LYN: variants seen among roughly 807,000 people sequenced by gnomAD.
LYN encodes the protein tyrosine-protein kinase Lyn.
A neutral mutation model predicts 65.0 loss-of-function variants in LYN; 12 were observed. That is an observed-to-expected ratio of 0.18 (90% confidence interval 0.12 to 0.30). The LOEUF is 0.30. Among genes scored for constraint, LYN ranks in the 10% least tolerant of loss-of-function variants. LYN has a pLI of 1.00. For synonymous variants in LYN, 222 were observed against 221.2 expected, an observed-to-expected ratio of 1.00 and a Z score of -0.03; for missense variants, 380 against 623.2, an observed-to-expected ratio of 0.61 and a Z score of 4.16.
At chr8:55,998,123 T>G (rs1214315943) in intron 10 of LYN, among the ~76,000 whole-genome samples, 6 of 152,112 alleles carry the variant, frequency 3.9e-5, no homozygotes, top group Non-Finnish European at 5.9e-5. Flanking sequence ...TTCCTTTTTT[T>G]TTTTTTAAGA....
chr8:55,978,390 G>T (rs1392088368), intron 10 of LYN, among the ~76,000 whole-genome samples: 1 of 152,240 alleles, frequency 6.6e-6, no homozygotes, highest in Non-Finnish European at 1.5e-5. Flanking sequence ...GGCAGCTGAG[G>T]ACCGCCATTG....
At chr8:55,938,255 A>G (rs1806498821) in intron 1 of LYN, among the ~76,000 whole-genome samples, 1 of 152,220 alleles carries the variant, frequency 6.6e-6, no homozygotes, top group South Asian at 2.1e-4. Context: ...ACCATATTGT[A>G]AAACTTTTGC....
At chr8:55,883,223 C>T (rs976840216) in intron 1 of LYN, among the ~76,000 whole-genome samples, 3 of 152,158 alleles carry the variant, frequency 2.0e-5, no homozygotes, top group Non-Finnish European at 4.4e-5. Flanking sequence ...TGCTTTTGCA[C>T]CATCGTAAAG....
chr8:55,940,991 C>G (rs1174821033), intron 1 of LYN, among the ~76,000 whole-genome samples: 1 of 152,174 alleles, frequency 6.6e-6, no homozygotes, highest in African/African-American at 2.4e-5. Flanking sequence ...CTCAGTAGCC[C>G]TACTGGATTT....
At chr8:55,939,462 A>AAGAGAG (rs111951441) in intron 1 of LYN, among the ~76,000 whole-genome samples, 7,476 of 148,274 alleles carry the variant, frequency 0.05, 196 homozygotes, top group Middle Eastern at 0.095. Flanking sequence ...TTCCCAAGAG[A>AAGAGAG]AGAGAGAGAG....
chr8:55,951,977 C>G lies in LYN; in HGVS notation c.499C>G (p.Leu167Val). The part of the protein sequence containing the change: ...ESETLKGSFS[L>V]SVRDFDPVHG... ...TTTTCCCCCCATAGGAAGCTTCTCT[C>G]TGTCTGTCAGAGACTTTGACCCTGT... is the stretch of plus-strand genomic sequence containing the variant. The change falls in exon 7 of 13, where the codon CTG (leucine) becomes GTG (valine). Residue 167 changes from leucine to valine, a missense_variant. Leu to Val is a conservative substitution (Grantham distance 32). Around this residue, in one of 2 missense-constraint regions of LYN, gnomAD observed 223 missense variants for 430.0 expected, o/e 0.52. Transcript: ENST00000519728. 1 of 1,610,258 alleles carries G rather than the reference C, an allele frequency of 6.2e-7. No individual in the cohort carries two copies. The highest frequency in any genetic ancestry group is 8.5e-7 in the Non-Finnish European group (1 of 1,179,092).
chr8:56,006,580 C>T (rs1240279044), intron 12 of LYN, among the ~76,000 whole-genome samples: 2 of 152,230 alleles, frequency 1.3e-5, no homozygotes, highest in Non-Finnish European at 2.9e-5. Flanking sequence ...CCACCTTCTG[C>T]TCCCCACCAC....
rs1458760721 is a variant in LYN at position 55,947,668 on chromosome 8, A to G, written c.229A>G (p.Ile77Val). The change falls in exon 4 of 13, where the codon ATC becomes GTC. Residue 77 changes from isoleucine (I) to valine (V), a missense_variant. By Grantham distance (29) the Ile-to-Val change is conservative. Around this residue, in one of 2 missense-constraint regions of LYN, gnomAD observed 157 missense variants for 193.2 expected, o/e 0.81. Coordinates refer to ENST00000519728, the MANE Select transcript of LYN (RefSeq NM_002350.4). The part of the protein sequence containing the change: ...IVVALYPYDG[I>V]HPDDLSFKKG... The stretch of plus-strand genomic sequence containing the variant: ...GGTAGCCTTGTACCCCTATGATGGC[A>G]TCCACCCGGACGACTTGTCTTTCAA... 1 of 1,614,098 alleles carries G rather than the reference A, an allele frequency of 6.2e-7. No homozygotes were observed. The highest frequency in any genetic ancestry group is 1.3e-5 in the African/African-American group (1 of 75,066).
rs531929696 is a variant in LYN at position 55,922,490 on chromosome 8, G to A, written c.-5-19365G>A. 9.2e-5 allele frequency among the ~76,000 whole-genome samples: 14 copies of A among 152,172 alleles called. No individual in the cohort carries two copies. In the South Asian group the frequency reaches 2.3e-3, roughly 25 times the overall value. On this transcript the variant is annotated intron_variant, in intron 1 of 12. Coordinates refer to ENST00000519728, the MANE Select transcript of LYN (RefSeq NM_002350.4). Reference sequence around the variant, plus strand: ...AGACAGTCTCCGAAGAATTATAAACGTAGGCTGGGTGTGGTGACTCATGCC... The same window carrying A: ...AGACAGTCTCCGAAGAATTATAAACATAGGCTGGGTGTGGTGACTCATGCC...
intron 1 of LYN, among the ~76,000 whole-genome samples, chr8:55,919,242 AAC>A (rs1225074937): frequency 4.6e-5 from 7 of 152,170 alleles, no homozygotes; most frequent in Admixed American, 3.3e-4. Flanking sequence ...ATCTAAACCT[AAC>A]AGTTGTTTAT....
chr8:55,888,924 C>T (rs948762216), intron 1 of LYN, among the ~76,000 whole-genome samples: 1 of 152,136 alleles, frequency 6.6e-6, no homozygotes, highest in African/African-American at 2.4e-5. Context: ...TGATTTTTGT[C>T]TTTCAGAACC....
intron 9 of LYN, among the ~76,000 whole-genome samples, chr8:55,968,092 C>A (rs1343043780): frequency 6.6e-6 from 1 of 152,064 alleles, no homozygotes; most frequent in Non-Finnish European, 1.5e-5. Context: ...AGCAAACAAA[C>A]CAATTAGCTC....
intron 1 of LYN, among the ~76,000 whole-genome samples, chr8:55,931,183 T>C (rs1806260917): frequency 6.8e-6 from 1 of 147,734 alleles, no homozygotes; most frequent in Non-Finnish European, 1.5e-5. Flanking sequence ...TTTTAAAATA[T>C]AATATGTAAC....
At chr8:55,960,403 A>C (rs1387422059) in intron 8 of LYN, among the ~76,000 whole-genome samples, 1 of 152,184 alleles carries the variant, frequency 6.6e-6, no homozygotes, top group Non-Finnish European at 1.5e-5. Context: ...AAAATAGAAG[A>C]GAAAAAAATA....
intron 1 of LYN, among the ~76,000 whole-genome samples, chr8:55,880,881 G>T (rs1016409894): frequency 1.3e-5 from 2 of 152,180 alleles, no homozygotes; most frequent in Admixed American, 6.5e-5. Flanking sequence ...TTTGCTTGCG[G>T]TGCATTCGTA....
intron 3 of LYN, among the ~76,000 whole-genome samples, chr8:55,946,972 G>T (rs1219460956): frequency 6.6e-6 from 1 of 152,214 alleles, no homozygotes; most frequent in Non-Finnish European, 1.5e-5. Flanking sequence ...CCCTGGCCGG[G>T]TGCAGTGGCT....
intron 1 of LYN, among the ~76,000 whole-genome samples, chr8:55,903,295 G>C (rs551761449): frequency 6.6e-5 from 10 of 152,292 alleles, no homozygotes; most frequent in African/African-American, 2.4e-4. Context: ...GCTGGGCCTT[G>C]TACTTTCTTG....
intron 8 of LYN, among the ~76,000 whole-genome samples, chr8:55,961,003 T>G (rs1024529937): frequency 7.2e-5 from 11 of 152,216 alleles, no homozygotes; most frequent in African/African-American, 2.7e-4. Flanking sequence ...CTAAGGACGA[T>G]GTTTCCTCTG....
chr8:55,908,395 C>G (rs1211025936), intron 1 of LYN, among the ~76,000 whole-genome samples: 1 of 151,834 alleles, frequency 6.6e-6, no homozygotes, highest in Admixed American at 6.6e-5. Context: ...CAGGCACCCC[C>G]CACCGCGACC....
Sources: gnomAD v4.1 joint callset for allele counts (sites outside exome capture counted in the v4.1 genomes callset) on GRCh38, gnomAD v4.1.1 for gene constraint, gnomAD v4.1.1 regional missense constraint, MANE v1.5 for transcripts, NCBI Gene and HGNC (gene_info 2026-07-23, HGNC 2026-07-21) for gene names.